HTR1D: variants seen among roughly 807,000 people sequenced by gnomAD.
HTR1D encodes 5-HT-1D.
A neutral mutation model predicts 21.1 loss-of-function variants in HTR1D; 18 were observed. The observed-to-expected ratio is 0.85, with a 90% CI of 0.59 to 1.27. The LOEUF (loss-of-function observed/expected upper bound fraction) is 1.27, where lower values mean the gene tolerates loss of function less well. Among genes scored for constraint, HTR1D ranks in the 50% most tolerant of loss-of-function variants. HTR1D has a pLI of 0.00. For synonymous variants in HTR1D, 196 were observed against 204.4 expected (o/e 0.96, Z 0.35); for missense variants, 456 against 481.4 (o/e 0.95, Z 0.49).
intron 1 of HTR1D, among the ~76,000 whole-genome samples, chr1:23,204,316 G>A (rs576932044): frequency 2.0e-5 from 3 of 152,186 alleles, no homozygotes; most frequent in South Asian, 2.1e-4. Context: ...TAGTAGAGAC[G>A]GGGTTTCACC....
At chr1:23,202,047 A>T (rs1207139030) in intron 1 of HTR1D, among the ~76,000 whole-genome samples, 1 of 151,312 alleles carries the variant, frequency 6.6e-6, no homozygotes, top group Non-Finnish European at 1.5e-5. Context: ...GTGTTTTTTT[A>T]ATTTTTGTTT....
At chr1:23,216,896 G>T (rs1253397821) in intron 1 of HTR1D, among the ~76,000 whole-genome samples, 1 of 151,986 alleles carries the variant, frequency 6.6e-6, no homozygotes, top group South Asian at 2.1e-4. Flanking sequence ...GCGGCGCCGC[G>T]CCCGAACCTG....
At chr1:23,210,953 A>G (rs1644751077) in intron 1 of HTR1D, among the ~76,000 whole-genome samples, 1 of 152,198 alleles carries the variant, frequency 6.6e-6, no homozygotes, top group African/African-American at 2.4e-5. Context: ...TCTTCTCTAG[A>G]CTGGATAAAC....
intron 1 of HTR1D, among the ~76,000 whole-genome samples, chr1:23,199,700 T>C (rs1644702877): frequency 6.6e-6 from 1 of 152,076 alleles, no homozygotes; most frequent in Non-Finnish European, 1.5e-5. Flanking sequence ...TGATTTTTCT[T>C]TCTTTCTTTC....
chr1:23,197,046 G>A (rs186685015), intron 1 of HTR1D, among the ~76,000 whole-genome samples: 35 of 152,252 alleles, frequency 2.3e-4, no homozygotes, highest in South Asian at 4.1e-4. Flanking sequence ...ACTGAGGTGC[G>A]TCATTTCCCA....
At position 23,194,157 on chromosome 1, in the gene HTR1D, A is replaced by C. The variant is rs758172673; in HGVS notation, c.63T>G (p.Asn21Lys). 2 of 1,614,080 alleles carry C rather than the reference A, an allele frequency of 1.2e-6. No homozygotes were observed. Among genetic ancestry groups the C allele is most frequent in the South Asian group, 2.2e-5 (2 of 91,086 alleles). Reference protein sequence around the residue: ...LPQEASNRSLNATETSEAWDP... With the variant: ...LPQEASNRSLKATETSEAWDP... Reference sequence around the variant, plus strand: ...CCCAAGCCTCTGAGGTTTCTGTGGCATTCAGGGATCTGTTGGAGGCCTCCT... The same window carrying C: ...CCCAAGCCTCTGAGGTTTCTGTGGCCTTCAGGGATCTGTTGGAGGCCTCCT... Residue 21 changes from asparagine to lysine, a missense_variant, in exon 2 of 2, where the codon AAT (asparagine) becomes AAG (lysine). Asn to Lys is a moderately conservative substitution (Grantham distance 94). Transcript: ENST00000374619.
chr1:23,203,387 T>A (rs1355950965), intron 1 of HTR1D, among the ~76,000 whole-genome samples: 1 of 152,190 alleles, frequency 6.6e-6, no homozygotes, highest in Non-Finnish European at 1.5e-5. Context: ...GAGCAGGGCA[T>A]GGTGGCTCAC....
chr1:23,193,016 A>G lies in HTR1D; in HGVS notation c.*70T>C. 2.1e-6 allele frequency: 1 copy of G among 481,808 alleles called. No individual in the cohort carries two copies. The allele number at this position is 481,808 out of a possible 1,614,324, so 29.8% of individuals were successfully genotyped here. A position where few individuals can be genotyped will look rare whatever the true frequency, so the allele number is the denominator to read the frequency against. ...TTAATCCAAGTCTCAGAAAATAATT[A>G]AAAAAAAAAAAGACAATCCCGATGA... is the stretch of plus-strand genomic sequence containing the variant. On this transcript the variant is annotated 3_prime_UTR_variant, in exon 2 of 2. Coordinates refer to ENST00000374619, the MANE Select transcript of HTR1D (RefSeq NM_000864.5).
rs890426182 is a variant in HTR1D, at chr1:23,192,137, A to G, written c.*949T>C. 1.3e-5 allele frequency: 2 copies of G among 152,114 alleles called. No homozygotes were observed. 9.4% of individuals were successfully genotyped at this position (152,114 alleles called of 1,614,324 possible). On this transcript the variant is annotated 3_prime_UTR_variant, in exon 2 of 2. Coordinates refer to ENST00000374619, the MANE Select transcript of HTR1D (RefSeq NM_000864.5). ...GCGCAGGCATATTGGGGAAGAAGGA[A>G]GGGTACAGGGTAGTCAATCTGGTCC...
chr1:23,216,083 T>C (rs765049756), intron 1 of HTR1D, among the ~76,000 whole-genome samples: 2 of 152,240 alleles, frequency 1.3e-5, no homozygotes, highest in Admixed American at 6.5e-5. Context: ...AAAGGCTGGC[T>C]ACCCCAATGG....
chr1:23,216,937 G>C (rs1158120648), intron 1 of HTR1D, among the ~76,000 whole-genome samples: 1 of 152,096 alleles, frequency 6.6e-6, no homozygotes, highest in Non-Finnish European at 1.5e-5. Flanking sequence ...GGCTTCCCTT[G>C]GCGCCCGGGG....
chr1:23,192,943 GA>G lies in HTR1D; in HGVS notation c.*142del. On this transcript the variant is annotated 3_prime_UTR_variant, in exon 2 of 2. Transcript: ENST00000374619. The stretch of plus-strand genomic sequence containing the variant: ...CTTTCAGAAGTTAAGAAAACAACAG[GA>G]AAAAGAACAATTCTGTTGATTGAAC... 2.1e-6 allele frequency: 1 copy of G among 481,944 alleles called. No individual in the cohort carries two copies. Among genetic ancestry groups the G allele is most frequent in the Admixed American group, 4.2e-5 (1 of 23,806 alleles). The allele number at this position is 481,944 out of a possible 1,614,324, so 29.9% of individuals were successfully genotyped here.
chr1:23,215,818 G>A (rs1179111933), intron 1 of HTR1D, among the ~76,000 whole-genome samples: 1 of 152,256 alleles, frequency 6.6e-6, no homozygotes, highest in African/African-American at 2.4e-5. Flanking sequence ...TGGCTGCAGA[G>A]ACATGATCTC....
chr1:23,192,613 G>C lies in HTR1D; in HGVS notation c.*473C>G, dbSNP rs1472486109. 6.6e-6 allele frequency: 1 copy of C among 152,538 alleles called. No homozygotes were observed. The highest frequency in any genetic ancestry group is 2.4e-5 in the African/African-American group (1 of 41,406). The allele number at this position is 152,538 out of a possible 1,614,324, so 9.4% of individuals were successfully genotyped here. ...TCCCAGCACTTTGGGATGCTGAGGCGGGCGGATCACGAGGTCAAGAGATCG... is the reference window on the plus strand; with the variant it reads ...TCCCAGCACTTTGGGATGCTGAGGCCGGCGGATCACGAGGTCAAGAGATCG... On this transcript the variant is annotated 3_prime_UTR_variant, in exon 2 of 2. Coordinates refer to ENST00000374619, the MANE Select transcript of HTR1D (RefSeq NM_000864.5).
In HTR1D at chr1:23,217,194, C is replaced by T. The variant is rs1054279582; in HGVS notation, c.-783+97G>A. Among the ~76,000 whole-genome samples the T allele has an allele frequency of 2.6e-5, 4 of 151,768 alleles. No homozygotes were observed. The highest frequency in any genetic ancestry group is 2.1e-4 in the South Asian group (1 of 4,824). On this transcript the variant is annotated intron_variant, in intron 1 of 1. Coordinates refer to ENST00000374619, the MANE Select transcript of HTR1D (RefSeq NM_000864.5). This position sits in a 1 kb window ranked among gnomAD's most constrained non-coding sequence, Gnocchi z 4.6. ...GAGGGCACAGAGAGGCGGGACGCCCCGGGCCCCCGAGGCCCCAGGAGGGGC... is the reference window on the plus strand; with the variant it reads ...GAGGGCACAGAGAGGCGGGACGCCCTGGGCCCCCGAGGCCCCAGGAGGGGC...
chr1:23,205,349 T>C (rs187764245), intron 1 of HTR1D, among the ~76,000 whole-genome samples: 24 of 152,178 alleles, frequency 1.6e-4, no homozygotes, highest in African/African-American at 5.8e-4. Context: ...AAAGAACTTA[T>C]TCATGTAACC....
At chr1:23,204,282 C>T (rs779277438) in intron 1 of HTR1D, among the ~76,000 whole-genome samples, 26 of 152,144 alleles carry the variant, frequency 1.7e-4, no homozygotes, top group African/African-American at 2.7e-4. Flanking sequence ...CTGGCCACCA[C>T]GCCTGGATAA....
At chr1:23,205,503 C>T (rs536768994) in intron 1 of HTR1D, among the ~76,000 whole-genome samples, 1 of 152,286 alleles carries the variant, frequency 6.6e-6, no homozygotes, top group South Asian at 2.1e-4. Flanking sequence ...GCTTGTTACA[C>T]AGCAATGCCA....
At chr1:23,215,768 C>T (rs1644771428) in intron 1 of HTR1D, among the ~76,000 whole-genome samples, 1 of 152,228 alleles carries the variant, frequency 6.6e-6, no homozygotes, top group African/African-American at 2.4e-5. Context: ...AGCAGGCAGG[C>T]CTGGGACTGG....
Sources: gnomAD v4.1 joint callset for allele counts (sites outside exome capture counted in the v4.1 genomes callset) on GRCh38, gnomAD v4.1.1 for gene constraint, Gnocchi (gnomAD v3.1) non-coding constraint, MANE v1.5 for transcripts, NCBI Gene and HGNC (gene_info 2026-07-23, HGNC 2026-07-21) for gene names.